Variants in APAF1 observed in about 807,000 individuals in gnomAD.
APAF1 encodes apoptotic protease-activating factor 1.
APAF1 carries 91 observed loss-of-function variants against 152.4 expected under a neutral mutation model. That is an observed-to-expected ratio of 0.60 (90% confidence interval 0.50 to 0.71). The LOEUF is 0.71. Ranked by LOEUF, APAF1 falls within the 30% of genes least tolerant of loss-of-function variation. The pLI is 0.00. For synonymous variants in APAF1, 484 were observed against 494.1 expected (o/e 0.98, Z 0.27); for missense variants, 1,283 against 1,472.0 (o/e 0.87, Z 2.10).
At chr12:98,696,281 C>T (rs371681667) in intron 16 of APAF1, among the ~76,000 whole-genome samples, 9 of 152,056 alleles carry the variant, frequency 5.9e-5, no homozygotes, top group African/African-American at 1.7e-4. Flanking sequence ...GGGAAGTGGG[C>T]GTGTGCAAAG....
At position 98,649,642 on chromosome 12, in the gene APAF1, G is replaced by A. The variant is rs766220748; in HGVS notation, c.484G>A (p.Val162Ile). 8.1e-6 allele frequency: 13 copies of A among 1,614,024 alleles called. No individual in the cohort carries two copies. The highest frequency in any genetic ancestry group is 1.1e-5 in the Non-Finnish European group (13 of 1,180,014). ...IHGMAGCGKS[V>I]LAAEAVRDHS... Reference sequence around the variant, plus strand: ...TGGAATGGCAGGCTGTGGGAAGTCTGTATTAGCTGCAGAAGCTGTTAGAGA... The same window carrying A: ...TGGAATGGCAGGCTGTGGGAAGTCTATATTAGCTGCAGAAGCTGTTAGAGA... Residue 162 changes from valine to isoleucine, a missense_variant, in exon 4 of 27, where the codon GTA (valine) becomes ATA (isoleucine). Physicochemically the swap from Val to Ile is conservative, Grantham distance 29. Coordinates refer to ENST00000551964, the MANE Select transcript of APAF1 (RefSeq NM_181861.2).
intron 25 of APAF1, 47 bp downstream of exon 25, chr12:98,725,587 G>T (rs1171623530): frequency 6.2e-7 from 1 of 1,613,232 alleles, no homozygotes; most frequent in East Asian, 2.2e-5. Flanking sequence ...TGTAGCTTGG[G>T]CTAGCACTGT....
In APAF1 at chr12:98,680,370, A is replaced by G. The variant is rs778044060; in HGVS notation, c.2014A>G (p.Ile672Val). 5.5e-5 allele frequency: 89 copies of G among 1,611,702 alleles called. No homozygotes were observed. Among genetic ancestry groups the G allele is most frequent in the Non-Finnish European group, 7.3e-5 (86 of 1,178,148 alleles). ...TGCATTCTCTACAGATGACAGATTTATAGCAACCTGCTCAGTGGATAAAAA... is the reference window on the plus strand; with the variant it reads ...TGCATTCTCTACAGATGACAGATTTGTAGCAACCTGCTCAGTGGATAAAAA... ...CCAFSTDDRF[I>V]ATCSVDKKVK... The change falls in exon 14 of 27, where the codon ATA becomes GTA. Residue 672 changes from isoleucine to valine, a missense_variant. Ile to Val is a conservative substitution (Grantham distance 29, BLOSUM62 3). Coordinates refer to ENST00000551964, the MANE Select transcript of APAF1 (RefSeq NM_181861.2).
At chr12:98,673,959 T>C (rs2097683736) in intron 12 of APAF1, among the ~76,000 whole-genome samples, 1 of 151,270 alleles carries the variant, frequency 6.6e-6, no homozygotes. Context: ...GAATTAAAAT[T>C]TTTTTTTTAA....
chr12:98,718,304 C>T lies in APAF1; in HGVS notation c.3084+2752C>T, dbSNP rs1421106202. On this transcript the variant is annotated intron_variant, in intron 22 of 26. Coordinates refer to ENST00000551964, the MANE Select transcript of APAF1 (RefSeq NM_181861.2). The stretch of plus-strand genomic sequence containing the variant: ...CCGGAGTGCAGTGGTGCAATCTCGG[C>T]TCACTGAAACCTCCACCTCCGAGGT... 2.0e-5 allele frequency among the ~76,000 whole-genome samples: 3 copies of T among 152,104 alleles called. No homozygotes were observed. The East Asian group carries it at 5.8e-4, about 29-fold the overall frequency.
At chr12:98,653,696 A>ATT (rs1231737513) in intron 4 of APAF1, among the ~76,000 whole-genome samples, 1 of 83,468 alleles carries the variant, frequency 1.2e-5, no homozygotes, top group African/African-American at 5.7e-5. Context: ...AAAAAAATAT[A>ATT]TATATATATA....
chr12:98,706,726 A>G (rs2097721780), intron 19 of APAF1, 116 bp downstream of exon 19: 1 of 1,161,312 alleles, frequency 8.6e-7, no homozygotes, highest in East Asian at 2.4e-5. Context: ...CTAGTACTAT[A>G]TTCCTATTCA....
intron 7 of APAF1, among the ~76,000 whole-genome samples, chr12:98,663,951 C>T (rs1350849454): frequency 6.6e-6 from 1 of 152,108 alleles, no homozygotes; most frequent in Non-Finnish European, 1.5e-5. Flanking sequence ...AGCTACCATA[C>T]CTGGCCACCT....
intron 20 of APAF1, 84 bp from the exon 21 acceptor site, chr12:98,712,231 TTTTA>T: frequency 1.3e-6 from 1 of 790,214 alleles, no homozygotes; most frequent in South Asian, 1.4e-5. Context: ...CTGTGTTTTA[TTTTA>T]TTTTTTTCAA....
At chr12:98,688,638 A>AT (rs34602173) in intron 16 of APAF1, among the ~76,000 whole-genome samples, 3,466 of 119,168 alleles carry the variant, frequency 0.029, 163 homozygotes, top group African/African-American at 0.099. Flanking sequence ...ACCTGGCGAA[A>AT]TTTTTTTTTT....
At chr12:98,706,992 C>G (rs1342672530) in intron 19 of APAF1, among the ~76,000 whole-genome samples, 1 of 152,132 alleles carries the variant, frequency 6.6e-6, no homozygotes, top group African/African-American at 2.4e-5. Context: ...CTTTCCATTT[C>G]TGCTGCCCAA....
At chr12:98,691,066 G>A (rs1277254329) in intron 16 of APAF1, among the ~76,000 whole-genome samples, 2 of 152,110 alleles carry the variant, frequency 1.3e-5, no homozygotes, top group Non-Finnish European at 2.9e-5. Flanking sequence ...AATTAGCTGG[G>A]CGTGGTGGCG....
intron 21 of APAF1, among the ~76,000 whole-genome samples, chr12:98,713,075 TC>T (rs1232829886): frequency 6.6e-6 from 1 of 152,238 alleles, no homozygotes; most frequent in Admixed American, 6.5e-5. Context: ...CATCTTGGCC[TC>T]CCAGAGTGTT....
intron 25 of APAF1, among the ~76,000 whole-genome samples, chr12:98,726,903 T>C (rs2097751397): frequency 6.6e-6 from 1 of 152,202 alleles, no homozygotes; most frequent in African/African-American, 2.4e-5. Flanking sequence ...TAGGGAGAGA[T>C]TTACAAATGA....
intron 23 of APAF1, 40 bp from the exon 24 acceptor site, chr12:98,723,599 A>G (rs751404478): frequency 2.6e-6 from 4 of 1,534,904 alleles, no homozygotes; most frequent in East Asian, 4.5e-5. Context: ...AAATGTTCTT[A>G]AAAGTGTCAA....
At chr12:98,723,618 T>TA in intron 23 of APAF1, 21 bp from the exon 24 acceptor site, 2 of 1,474,674 alleles carry the variant, frequency 1.4e-6, no homozygotes, top group Non-Finnish European at 1.9e-6. Context: ...AACCTCCAAG[T>TA]GTTTTTTTTT....
rs1023902436 is a variant in APAF1 at position 98,656,551 on chromosome 12, G to A, written c.527-2609G>A. On this transcript the variant is annotated intron_variant, in intron 4 of 26. Transcript: ENST00000551964. ...TGTTTGTTATATTTTAGACTTTCAT[G>A]CAGTCACTATTCAGTACATTGCCAA... 2.0e-5 allele frequency among the ~76,000 whole-genome samples: 3 copies of A among 152,160 alleles called. No homozygotes were observed. In the South Asian group the frequency reaches 6.2e-4, roughly 32 times the overall value.
chr12:98,659,383 GT>G (rs2097661866), intron 5 of APAF1, 40 bp downstream of exon 5: 5 of 1,596,426 alleles, frequency 3.1e-6, no homozygotes, highest in Non-Finnish European at 4.3e-6. Context: ...CAGGTCCCAT[GT>G]CCCAATAAGA....
intron 26 of APAF1, among the ~76,000 whole-genome samples, chr12:98,731,518 A>G (rs1462161870): frequency 6.6e-6 from 1 of 152,242 alleles, no homozygotes; most frequent in Non-Finnish European, 1.5e-5. Context: ...ATGCTGGTTC[A>G]GTGAGGTTTA....
Sources: allele counts gnomAD v4.1 joint callset (sites outside exome capture counted in the v4.1 genomes callset), GRCh38; gene constraint gnomAD v4.1.1; transcripts MANE v1.5; gene names NCBI Gene and HGNC (gene_info 2026-07-23, HGNC 2026-07-21).